SHMT1: variants seen among roughly 807,000 people sequenced by gnomAD.
SHMT1 encodes serine hydroxymethyltransferase, cytosolic.
SHMT1 carries 45 observed loss-of-function variants against 49.0 expected under a neutral mutation model. The ratio of observed to expected loss-of-function variants is 0.92; its 90% CI spans 0.72 to 1.18. The LOEUF is 1.18. Among genes scored for constraint, SHMT1 ranks in the 50% most tolerant of loss-of-function variants. SHMT1 has a pLI of 0.00. For missense variants in SHMT1, 541 were observed against 612.4 expected, an observed-to-expected ratio of 0.88 and a Z score of 1.23; for synonymous variants, 232 against 246.6, an observed-to-expected ratio of 0.94 and a Z score of 0.55.
intron 5 of SHMT1, among the ~76,000 whole-genome samples, chr17:18,342,785 A>T (rs1157844939): frequency 6.6e-6 from 1 of 151,630 alleles, no homozygotes; most frequent in Non-Finnish European, 1.5e-5. Context: ...AACATTCACA[A>T]ATTAGCCAGG....
intron 9 of SHMT1, chr17:18,332,947 A>G (rs1267858945): frequency 1.6e-6 from 1 of 641,108 alleles, no homozygotes; most frequent in Non-Finnish European, 2.9e-6. Flanking sequence ...AATGGCAACC[A>G]CTATTCCCAT....
chr17:18,353,482 C>G, intron 3 of SHMT1, 190 bp downstream of exon 3: 1 of 712,250 alleles, frequency 1.4e-6, no homozygotes, highest in Admixed American at 2.1e-5. Flanking sequence ...CTGAGTACAC[C>G]TGCGCTGAGC....
At position 18,349,451 on chromosome 17, in the gene SHMT1, G is replaced by C. The variant is rs535970181; in HGVS notation, c.243-1011C>G. The stretch of plus-strand genomic sequence containing the variant: ...AAATTTAAAGTAACTACATGCAGTG[G>C]CTCATGTCTGTAATCTCAGAGATTT... On this transcript the variant is annotated intron_variant, in intron 3 of 11. Transcript: ENST00000316694. Among the ~76,000 whole-genome samples the C allele has an allele frequency of 1.2e-3, 186 of 152,234 alleles. No homozygotes were observed. In the South Asian group the frequency reaches 0.037, roughly 30 times the overall value.
intron 1 of SHMT1, among the ~76,000 whole-genome samples, chr17:18,361,996 GC>G (rs1986822152): frequency 6.6e-6 from 1 of 152,176 alleles, no homozygotes; most frequent in Non-Finnish European, 1.5e-5. Context: ...AAGGTCACCA[GC>G]CTCCCCATGC....
chr17:18,348,506 A>G (rs1483830536), intron 3 of SHMT1, 66 bp from the exon 4 acceptor site: 1 of 1,174,364 alleles, frequency 8.5e-7, no homozygotes, highest in Non-Finnish European at 1.3e-6. Context: ...CACAGAGGCC[A>G]AAGAAGCTTA....
intron 5 of SHMT1, among the ~76,000 whole-genome samples, chr17:18,344,993 G>A (rs1213373198): frequency 2.0e-5 from 3 of 152,164 alleles, no homozygotes; most frequent in Non-Finnish European, 4.4e-5. Flanking sequence ...TCTGCAGCCC[G>A]GTGGGGTGGA....
At chr17:18,347,951 CTT>C (rs1242844386) in intron 4 of SHMT1, among the ~76,000 whole-genome samples, 20 of 142,278 alleles carry the variant, frequency 1.4e-4, no homozygotes, top group Admixed American at 2.2e-4. Flanking sequence ...GAGTTTCGCT[CTT>C]GTTGCCCAGG....
intron 1 of SHMT1, among the ~76,000 whole-genome samples, chr17:18,356,254 G>C (rs1275181386): frequency 6.6e-6 from 1 of 151,960 alleles, no homozygotes; most frequent in Non-Finnish European, 1.5e-5. Flanking sequence ...GTGTTAGCCA[G>C]GATGGTCTCA....
At chr17:18,357,932 C>T (rs1216000936) in intron 1 of SHMT1, among the ~76,000 whole-genome samples, 3 of 146,068 alleles carry the variant, frequency 2.1e-5, no homozygotes, top group South Asian at 2.2e-4. Flanking sequence ...GGCGCGATCT[C>T]GGCTCACTGC....
intron 10 of SHMT1, 130 bp downstream of exon 10, chr17:18,330,425 C>G: frequency 3.8e-6 from 3 of 782,818 alleles, no homozygotes; most frequent in Non-Finnish European, 2.3e-6. Flanking sequence ...CGTGAGCCAC[C>G]GTGCCCAGCC....
At chr17:18,338,496 C>A (rs1341418776) in intron 7 of SHMT1, among the ~76,000 whole-genome samples, 1 of 152,090 alleles carries the variant, frequency 6.6e-6, no homozygotes, top group African/African-American at 2.4e-5. Context: ...AGCCCCTCTG[C>A]CCGGCCGCCC....
Position 18,329,350 on chromosome 17 carries a change from C to T in SHMT1, c.1210G>A (p.Gly404Arg). ...CCACGGGACGTCAGTGCTGGGGTCC[C>T]CAGCCGCAGTCCACTGGGCCGCAGA... ...SALRPSGLRL[G>R]TPALTSRGLL... is the part of the protein sequence containing the mutation. Residue 404 changes from glycine (G) to arginine (R), a missense_variant, in exon 11 of 12, where the codon GGG becomes AGG. Coordinates refer to ENST00000316694, the MANE Select transcript of SHMT1 (RefSeq NM_004169.5). The T allele has an allele frequency of 6.2e-7, 1 of 1,612,944 alleles. No individual in the cohort carries two copies. Among genetic ancestry groups the T allele is most frequent in the South Asian group, 1.1e-5 (1 of 91,022 alleles).
In SHMT1 at chr17:18,329,392, C is replaced by T. The variant is rs779984626; in HGVS notation, c.1172-4G>A. ...GGCCGCAGAGCGCTTCTGTCACCTA[C>T]AAGATAAACGGGGCTCTGTCCCTAA... is the stretch of plus-strand genomic sequence containing the variant. On this transcript the variant is annotated splice_region_variant and splice_polypyrimidine_tract_variant and intron_variant, in intron 10 of 11. Coordinates refer to ENST00000316694, the MANE Select transcript of SHMT1 (RefSeq NM_004169.5). The T allele has an allele frequency of 1.9e-5, 31 of 1,608,468 alleles. No individual in the cohort carries two copies. Among genetic ancestry groups the T allele is most frequent in the Admixed American group, 3.3e-5 (2 of 59,980 alleles).
At chr17:18,344,174 G>T (rs1282357151) in intron 5 of SHMT1, among the ~76,000 whole-genome samples, 1 of 152,108 alleles carries the variant, frequency 6.6e-6, no homozygotes, top group Admixed American at 6.6e-5. Context: ...AAAAAAGGCA[G>T]TTATAATCCA....
At position 18,340,046 on chromosome 17, in the gene SHMT1, T is replaced by A; in HGVS notation, c.811A>T (p.Lys271Ter). The change falls in exon 7 of 12, where the codon AAA becomes TAA. Residue 271 changes from lysine to a stop codon, truncating the protein, a stop_gained. Coordinates refer to ENST00000316694, the MANE Select transcript of SHMT1 (RefSeq NM_004169.5). LOFTEE classifies it high-confidence loss of function. This position sits in a 1 kb window ranked among gnomAD's most constrained non-coding sequence, Gnocchi z 4.5. ...TACCCAACATTCGGGAGCTCACCTT[T>A]CCTGTAGAAGATCATGCCAGCTCGG... is the stretch of plus-strand genomic sequence containing the variant. ...GCRAGMIFYR[K>*]GVKSVDPKTG... The A allele has an allele frequency of 6.2e-7, 1 of 1,613,356 alleles. No individual in the cohort carries two copies. The highest frequency in any genetic ancestry group is 2.2e-5 in the East Asian group (1 of 44,884).
rs10560620 is a variant in SHMT1 at position 18,357,279 on chromosome 17, C to CAA, written c.-19-1281_-19-1280dup. On this transcript the variant is annotated intron_variant, in intron 1 of 11. Coordinates refer to ENST00000316694, the MANE Select transcript of SHMT1 (RefSeq NM_004169.5). ...CTGGCCATAGAGCAAGACTCCACCT[C>CAA]AAAAAAAAAAAAAAAAAAAAAAAAA... Among the ~76,000 whole-genome samples the CAA allele has an allele frequency of 2.1e-4, 19 of 89,548 alleles. 1 individual carries two copies. The highest frequency in any genetic ancestry group is 3.0e-4 in the Non-Finnish European group (14 of 47,060). 58.7% of individuals were successfully genotyped at this position (89,548 alleles called of 152,430 possible). A position where few individuals can be genotyped will look rare whatever the true frequency, so the allele number is the denominator to read the frequency against.
intron 1 of SHMT1, among the ~76,000 whole-genome samples, chr17:18,357,864 C>CTTTTT (rs1165307729): frequency 1.6e-5 from 2 of 121,468 alleles, no homozygotes; most frequent in Non-Finnish European, 3.3e-5. Context: ...AGCTAGGACT[C>CTTTTT]TTTTTTTTTT....
chr17:18,328,420 C>T lies in SHMT1; in HGVS notation c.*330G>A, dbSNP rs1982793629. 1 of 362,040 alleles carries T rather than the reference C, an allele frequency of 2.8e-6. No homozygotes were observed. Among genetic ancestry groups the T allele is most frequent in the African/African-American group, 2.1e-5 (1 of 47,578 alleles). 22.4% of individuals were successfully genotyped at this position (362,040 alleles called of 1,614,324 possible). On this transcript the variant is annotated 3_prime_UTR_variant, in exon 12 of 12. Transcript: ENST00000316694. ...CCCAGGGAGAGTAAAACGCTACAAT[C>T]TTTCTAACAGCTTTGCCCTACACCA... is the stretch of plus-strand genomic sequence containing the variant.
intron 5 of SHMT1, 79 bp downstream of exon 5, chr17:18,347,417 C>G: frequency 6.5e-7 from 1 of 1,538,004 alleles, no homozygotes; most frequent in Non-Finnish European, 9.0e-7. Context: ...ACACATAAAC[C>G]AAACTTACCC....
Sources: allele counts gnomAD v4.1 joint callset (sites outside exome capture counted in the v4.1 genomes callset), GRCh38; gene constraint gnomAD v4.1.1; non-coding constraint Gnocchi (gnomAD v3.1); transcripts MANE v1.5; gene names NCBI Gene and HGNC (gene_info 2026-07-23, HGNC 2026-07-21).